TENM2: variants seen among roughly 807,000 people sequenced by gnomAD.
The protein encoded by TENM2 is teneurin-2.
Under a neutral mutation model 245.2 loss-of-function variants are expected in TENM2, and 52 were observed. The observed-to-expected ratio is 0.21, with a 90% CI of 0.17 to 0.27. TENM2 has a LOEUF of 0.27. TENM2 is among the 10% of genes least tolerant of loss of function. The pLI is 1.00. For missense variants in TENM2, 3,046 were observed against 3,666.8 expected, an observed-to-expected ratio of 0.83 and a Z score of 4.37; for synonymous variants, 1,363 against 1,438.9, an observed-to-expected ratio of 0.95 and a Z score of 1.19.
At chr5:167,383,565 T>C (rs1292271578) in intron 2 of TENM2, among the ~76,000 whole-genome samples, 1 of 152,042 alleles carries the variant, frequency 6.6e-6, no homozygotes, top group Non-Finnish European at 1.5e-5. Flanking sequence ...TTCCCAACTT[T>C]CGTCTTTCCC....
At chr5:167,348,551 A>G (rs1758620430) in intron 1 of TENM2, among the ~76,000 whole-genome samples, 1 of 152,168 alleles carries the variant, frequency 6.6e-6, no homozygotes, top group Admixed American at 6.5e-5. Context: ...AGAATACATG[A>G]TCCCAGTGTA....
intron 1 of TENM2, among the ~76,000 whole-genome samples, chr5:167,374,259 C>G (rs1315174079): frequency 2.0e-5 from 3 of 152,086 alleles, no homozygotes; most frequent in Admixed American, 2.0e-4. Context: ...GTTACTTTGC[C>G]TACAGTATTC....
intron 24 of TENM2, among the ~76,000 whole-genome samples, chr5:168,226,550 C>T (rs1341657827): frequency 6.6e-6 from 1 of 152,160 alleles, no homozygotes; most frequent in East Asian, 1.9e-4. Flanking sequence ...CCCCCACATA[C>T]TCTCTCCCTA....
At chr5:167,493,752 C>CA (rs1768596615) in intron 2 of TENM2, among the ~76,000 whole-genome samples, 1 of 151,990 alleles carries the variant, frequency 6.6e-6, no homozygotes, top group Non-Finnish European at 1.5e-5. Context: ...TGTAGGGGTC[C>CA]ACTCATTTAT....
At chr5:168,024,194 A>G (rs957654423) in intron 5 of TENM2, among the ~76,000 whole-genome samples, 3 of 152,108 alleles carry the variant, frequency 2.0e-5, no homozygotes, top group African/African-American at 7.2e-5. Context: ...GCATATGTGA[A>G]CTGTCTTGAG....
intron 5 of TENM2, among the ~76,000 whole-genome samples, 184 bp downstream of exon 7, chr5:167,993,366 A>T (rs968856359): frequency 2.6e-5 from 4 of 152,140 alleles, no homozygotes; most frequent in Non-Finnish European, 5.9e-5. Context: ...AAATCTGATG[A>T]GTTTCTCCTT....
chr5:167,142,740 C>G, the TENM2 span, among the ~76,000 whole-genome samples: 2 of 152,036 alleles, frequency 1.3e-5, no homozygotes, highest in Non-Finnish European at 2.9e-5. Flanking sequence ...TTAGTAGAGA[C>G]GGGGTTTCAC....
the TENM2 span, among the ~76,000 whole-genome samples, chr5:167,128,607 G>A: frequency 1.3e-4 from 20 of 150,420 alleles, no homozygotes; most frequent in East Asian, 3.8e-3. Context: ...TAATACCAAA[G>A]CTCTACTTAT....
At chr5:168,037,852 T>C (rs1330530778) in intron 5 of TENM2, among the ~76,000 whole-genome samples, 1 of 152,204 alleles carries the variant, frequency 6.6e-6, no homozygotes, top group Non-Finnish European at 1.5e-5. Flanking sequence ...AGGGTCACCA[T>C]CTGTCTATAC....
chr5:167,520,994 C>T lies in TENM2; in HGVS notation c.502+145521C>T, dbSNP rs535022763. Among the ~76,000 whole-genome samples, 14 of 145,700 alleles carry T rather than the reference C, an allele frequency of 9.6e-5. 1 individual carries two copies. In the South Asian group the frequency reaches 1.7e-3, roughly 18 times the overall value. On this transcript the variant is annotated intron_variant, in intron 2 of 28. Coordinates refer to ENST00000518659, the Ensembl canonical transcript of TENM2. Reference sequence around the variant, plus strand: ...CACAAACTGCCTATAAATCAGGGCTCGTTCCTAATTAATTAGCCAAAACTT... The same window carrying T: ...CACAAACTGCCTATAAATCAGGGCTTGTTCCTAATTAATTAGCCAAAACTT...
the TENM2 span, among the ~76,000 whole-genome samples, chr5:167,072,097 G>C: frequency 2.0e-5 from 3 of 152,034 alleles, no homozygotes; most frequent in Admixed American, 2.0e-4. Flanking sequence ...CTCAAGATGG[G>C]TTCAGCCAAG....
At chr5:167,699,527 CTG>C (rs1466350810) in intron 2 of TENM2, among the ~76,000 whole-genome samples, 3 of 152,190 alleles carry the variant, frequency 2.0e-5, no homozygotes, top group Non-Finnish European at 4.4e-5. Context: ...TTACTTTCAG[CTG>C]AAGCAGCTAA....
intron 12 of TENM2, among the ~76,000 whole-genome samples, chr5:168,161,012 G>C (rs1045003083): frequency 3.9e-5 from 6 of 151,964 alleles, no homozygotes; most frequent in Non-Finnish European, 7.4e-5. Context: ...GCCTGAGTGA[G>C]AGAGTGAGAC....
chr5:167,737,459 T>A (rs754430940), intron 2 of TENM2, among the ~76,000 whole-genome samples: 5 of 152,234 alleles, frequency 3.3e-5, no homozygotes, highest in Admixed American at 3.3e-4. Flanking sequence ...CGAAGGTCCA[T>A]GCTGGTACCT....
intron 1 of TENM2, among the ~76,000 whole-genome samples, chr5:167,361,162 T>C (rs1278662989): frequency 6.6e-6 from 1 of 152,216 alleles, no homozygotes; most frequent in African/African-American, 2.4e-5. Flanking sequence ...GGAACTAGGA[T>C]AGACTTATCC....
intron 8 of TENM2, among the ~76,000 whole-genome samples, chr5:168,096,537 T>C (rs1408873529): frequency 6.6e-6 from 1 of 152,154 alleles, no homozygotes; most frequent in East Asian, 1.9e-4. Context: ...AGAAACCAAC[T>C]ACAGTGTGGT....
At chr5:167,411,672 C>T (rs1762920798) in intron 2 of TENM2, among the ~76,000 whole-genome samples, 1 of 151,184 alleles carries the variant, frequency 6.6e-6, no homozygotes, top group African/African-American at 2.4e-5. Flanking sequence ...AATATCTCTA[C>T]AGGATTCCAG....
intron 1 of TENM2, among the ~76,000 whole-genome samples, chr5:167,337,145 A>G (rs998033506): frequency 5.3e-5 from 8 of 151,222 alleles, no homozygotes; most frequent in African/African-American, 1.9e-4. Context: ...AAAAAAAAAA[A>G]AAAAAAAATC....
intron 2 of TENM2, among the ~76,000 whole-genome samples, chr5:167,599,735 G>A (rs1776477407): frequency 2.0e-5 from 3 of 152,152 alleles, no homozygotes; most frequent in Admixed American, 2.0e-4. Context: ...GTTTAGCACA[G>A]AGATTTGGTG....
Sources: allele counts gnomAD v4.1 joint callset (sites outside exome capture counted in the v4.1 genomes callset), GRCh38; gene constraint gnomAD v4.1.1; transcripts MANE v1.5; gene names NCBI Gene and HGNC (gene_info 2026-07-23, HGNC 2026-07-21).